Variants in SCARA5 observed in about 807,000 individuals in gnomAD.
SCARA5 encodes scavenger receptor class A, member 5 (putative).
A neutral mutation model predicts 46.3 loss-of-function variants in SCARA5; 45 were observed. The observed-to-expected ratio is 0.97, with a 90% CI of 0.76 to 1.24. The LOEUF (loss-of-function observed/expected upper bound fraction) is 1.24. SCARA5 is among the 50% of genes most tolerant of loss of function. SCARA5 has a pLI of 0.00. For synonymous variants in SCARA5, 333 were observed against 306.5 expected (o/e 1.09, Z -0.90); for missense variants, 680 against 689.0 (o/e 0.99, Z 0.15).
chr8:27,950,458 T>A (rs758619965), intron 3 of SCARA5, among the ~76,000 whole-genome samples: 2 of 152,058 alleles, frequency 1.3e-5, no homozygotes, highest in Non-Finnish European at 2.9e-5. Flanking sequence ...CCCCACCTAA[T>A]GCCGGCAAGC....
chr8:27,913,537 T>A (rs1275667555), intron 4 of SCARA5, among the ~76,000 whole-genome samples: 5 of 152,242 alleles, frequency 3.3e-5, no homozygotes. Context: ...TCCAGCTACA[T>A]GCATCTGTGA....
intron 7 of SCARA5, among the ~76,000 whole-genome samples, chr8:27,883,384 C>G (rs1284420133): frequency 6.6e-6 from 1 of 152,190 alleles, no homozygotes; most frequent in Admixed American, 6.5e-5. Context: ...TTCCCACATC[C>G]TTTTCACCAT....
chr8:27,916,829 G>A (rs1436429887), intron 4 of SCARA5, among the ~76,000 whole-genome samples: 1 of 152,182 alleles, frequency 6.6e-6, no homozygotes, highest in East Asian at 1.9e-4. Flanking sequence ...CCAGTGCAGT[G>A]ATCTGAGTGT....
chr8:27,962,667 C>T (rs1211183467), intron 3 of SCARA5, among the ~76,000 whole-genome samples: 1 of 152,192 alleles, frequency 6.6e-6, no homozygotes, highest in Admixed American at 6.5e-5. Context: ...AGTTCAAAGC[C>T]AGGTGGACAA....
At position 27,990,508 on chromosome 8, in the gene SCARA5, C is replaced by T. The variant is rs116290063; in HGVS notation, c.-16+1749G>A. ...CTGATGGCATTTGCATTCCGTCCCT[C>T]CCATTTTAAACATAAGCCATCCCAG... On this transcript the variant is annotated intron_variant, in intron 1 of 8. Coordinates refer to ENST00000354914, the MANE Select transcript of SCARA5 (RefSeq NM_173833.6). Among the ~76,000 whole-genome samples the T allele has an allele frequency of 5.4e-3, 826 of 152,204 alleles. 4 individuals are homozygous for T. The highest frequency in any genetic ancestry group is 0.019 in the African/African-American group (790 of 41,508).
Position 27,921,763 on chromosome 8 carries a change from G to T in SCARA5, c.724C>A (p.Arg242Ser), listed in dbSNP as rs758421929. ...HSLSYDVALH[R>S]TRLQDLRVLV... ...ACCCGCAGGTCCTGCAGCCGCGTGC[G>T]GTGGAGGGCCACGTCGTAGGACAGG... is the stretch of plus-strand genomic sequence containing the variant. The change falls in exon 4 of 9, where the codon CGC becomes AGC. Residue 242 changes from arginine to serine, a missense_variant. By Grantham distance (110) the Arg-to-Ser change is moderately radical. Around this residue, in one of 3 missense-constraint regions of SCARA5, gnomAD observed 438 missense variants for 384.5 expected, o/e 1.14. Transcript: ENST00000354914. 11 of 1,579,622 alleles carry T rather than the reference G, an allele frequency of 7.0e-6. No individual in the cohort carries two copies. In the East Asian group the frequency reaches 2.5e-4, roughly 36 times the overall value.
intron 2 of SCARA5, among the ~76,000 whole-genome samples, chr8:27,968,589 C>A (rs1000941403): frequency 6.6e-6 from 1 of 152,176 alleles, no homozygotes; most frequent in East Asian, 1.9e-4. Flanking sequence ...AAACTCTGTT[C>A]CTCTCAAGAG....
At chr8:27,925,887 A>G (rs563968422) in intron 3 of SCARA5, among the ~76,000 whole-genome samples, 1 of 152,376 alleles carries the variant, frequency 6.6e-6, no homozygotes, top group East Asian at 1.9e-4. Context: ...TGCAAATGAG[A>G]ACCACAATGA....
chr8:27,929,577 T>C (rs1005827170), intron 3 of SCARA5, among the ~76,000 whole-genome samples: 88 of 152,300 alleles, frequency 5.8e-4, no homozygotes, highest in African/African-American at 2.0e-3. Flanking sequence ...GTATGCTGAA[T>C]CTCATTTAAG....
In SCARA5 at chr8:27,871,388, T is replaced by A. The variant is rs2129645628; in HGVS notation, c.*546A>T. The stretch of plus-strand genomic sequence containing the variant: ...CCCTCTTGCCCCTACAGCTGGCTTC[T>A]CCTCTATGTCACTTCCTCAAACTAG... On this transcript the variant is annotated 3_prime_UTR_variant, in exon 9 of 9. Transcript: ENST00000354914. The A allele has an allele frequency of 1.0e-6, 1 of 979,578 alleles. No individual in the cohort carries two copies. The highest frequency in any genetic ancestry group is 1.1e-4 in the East Asian group (1 of 8,844). 60.7% of individuals were successfully genotyped at this position (979,578 alleles called of 1,614,324 possible). A position where few individuals can be genotyped will look rare whatever the true frequency, so the allele number is the denominator to read the frequency against.
intron 7 of SCARA5, among the ~76,000 whole-genome samples, chr8:27,900,186 G>A (rs958119393): frequency 2.6e-5 from 4 of 151,856 alleles, no homozygotes; most frequent in African/African-American, 9.7e-5. Context: ...AGGTGCAGTC[G>A]CTGTGTCTCT....
intron 3 of SCARA5, among the ~76,000 whole-genome samples, chr8:27,949,418 T>G (rs1563535717): frequency 6.6e-6 from 1 of 152,240 alleles, no homozygotes; most frequent in Non-Finnish European, 1.5e-5. Flanking sequence ...GGGATAATAG[T>G]GTCTCCCTCA....
intron 7 of SCARA5, among the ~76,000 whole-genome samples, chr8:27,898,751 T>G (rs1168076927): frequency 6.6e-6 from 1 of 152,202 alleles, no homozygotes; most frequent in Non-Finnish European, 1.5e-5. Flanking sequence ...ATTAGGAAGT[T>G]GGACCATTCA....
intron 6 of SCARA5, 38 bp downstream of exon 6, chr8:27,907,110 T>A (rs2726987): frequency 1.3e-6 from 2 of 1,485,364 alleles, no homozygotes; most frequent in African/African-American, 1.4e-5. Flanking sequence ...TGCCTGGGAC[T>A]GGTGGTGAGG....
At chr8:27,981,062 G>A (rs1384517786) in intron 2 of SCARA5, among the ~76,000 whole-genome samples, 2 of 152,112 alleles carry the variant, frequency 1.3e-5, no homozygotes, top group Non-Finnish European at 2.9e-5. Flanking sequence ...GACCAGGGAG[G>A]GAAATAAATG....
Position 27,921,920 on chromosome 8 carries a change from C to T in SCARA5, c.567G>A (p.Gln189=), listed in dbSNP as rs1415805449. The change falls in exon 4 of 9, where the codon CAG becomes CAA. Residue 189 remains glutamine, a synonymous_variant. Transcript: ENST00000354914. ...DTAQLELYQL[Q]VESNSSQLLL... is the part of the protein sequence containing the mutation. ...GCAGCTGGCTACTGTTGCTCTCCAC[C>T]TGCAGCTGGTAGAGCTCCAGCTGCG... 1 of 1,531,674 alleles carries T rather than the reference C, an allele frequency of 6.5e-7. No individual in the cohort carries two copies. Among genetic ancestry groups the T allele is most frequent in the Admixed American group, 2.0e-5 (1 of 50,910 alleles). The allele number at this position is 1,531,674 out of a possible 1,614,324, so 94.9% of individuals were successfully genotyped here.
intron 7 of SCARA5, among the ~76,000 whole-genome samples, chr8:27,891,868 A>G (rs1232679689): frequency 6.6e-6 from 1 of 152,234 alleles, no homozygotes; most frequent in African/African-American, 2.4e-5. Flanking sequence ...TCCCTGCTGC[A>G]ATAGTTATCG....
chr8:27,920,774 C>T (rs1367606464), intron 4 of SCARA5, among the ~76,000 whole-genome samples: 1 of 152,098 alleles, frequency 6.6e-6, no homozygotes, highest in African/African-American at 2.4e-5. Flanking sequence ...CACTGCCCCC[C>T]AGCCTGGGCA....
chr8:27,900,755 T>C (rs1045622698), intron 7 of SCARA5, among the ~76,000 whole-genome samples: 1 of 151,660 alleles, frequency 6.6e-6, no homozygotes. Context: ...GTAAAACAAA[T>C]GTATTTCTCT....
Sources: allele counts gnomAD v4.1 joint callset (sites outside exome capture counted in the v4.1 genomes callset), GRCh38; gene constraint gnomAD v4.1.1; regional missense constraint gnomAD v4.1.1; transcripts MANE v1.5; gene names NCBI Gene and HGNC (gene_info 2026-07-23, HGNC 2026-07-21).